Variants in NTMT1 observed in about 807,000 individuals in gnomAD.
The protein encoded by NTMT1 is N-terminal RCC1 methyltransferase.
Under a neutral mutation model 17.5 loss-of-function variants are expected in NTMT1, and 8 were observed. The observed-to-expected ratio is 0.46, with a 90% CI of 0.27 to 0.82. NTMT1 has a LOEUF of 0.82. Among genes scored for constraint, NTMT1 ranks in the 40% least tolerant of loss-of-function variants. NTMT1 has a pLI of 0.15. For synonymous variants in NTMT1, 128 were observed against 126.8 expected (o/e 1.01, Z -0.06); for missense variants, 221 against 303.5 (o/e 0.73, Z 2.02).
At chr9:129,630,348 C>T (rs1414934165) in intron 1 of NTMT1, among the ~76,000 whole-genome samples, 3 of 152,248 alleles carry the variant, frequency 2.0e-5, no homozygotes, top group Non-Finnish European at 4.4e-5. Flanking sequence ...CGGTATGTGC[C>T]TGCAGTCCCA....
chr9:129,631,166 C>T lies in NTMT1; in HGVS notation c.-54-1484C>T, dbSNP rs551447165. On this transcript the variant is annotated intron_variant, in intron 1 of 3. Coordinates refer to ENST00000372483, the MANE Select transcript of NTMT1 (RefSeq NM_014064.4). ...CCCAGCTCGGGCTGCCTCCTCCAGGCGGCTGCCCCTATCTGCTGTTGGGAG... is the reference window on the plus strand; with the variant it reads ...CCCAGCTCGGGCTGCCTCCTCCAGGTGGCTGCCCCTATCTGCTGTTGGGAG... Among the ~76,000 whole-genome samples, 30 of 152,368 alleles carry T rather than the reference C, an allele frequency of 2.0e-4. 1 individual carries two copies. The highest frequency in any genetic ancestry group is 6.2e-4 in the South Asian group (3 of 4,826).
Position 129,635,260 on chromosome 9 carries a change from C to T in NTMT1, c.468C>T (p.Ser156=), listed in dbSNP as rs746780349. Residue 156 remains serine, a synonymous_variant, in exon 4 of 4, where the codon AGC becomes AGT. Transcript: ENST00000372483. The part of the protein sequence containing the change: ...LAEFLRRCKG[S]LRPNGIIVIK... ...AGTTCCTGCGGCGCTGCAAGGGCAG[C>T]CTCCGCCCCAACGGCATCATCGTCA... The T allele has an allele frequency of 4.3e-6, 7 of 1,613,252 alleles. No individual in the cohort carries two copies. Among genetic ancestry groups the T allele is most frequent in the Non-Finnish European group, 5.9e-6 (7 of 1,180,024 alleles).
At chr9:129,623,823 C>CTTTTTTTTTTTTTTTT (rs746654555), upstream of NTMT1, among the ~76,000 whole-genome samples, 3 of 107,832 alleles carry the variant, frequency 2.8e-5, 1 homozygote, top group Non-Finnish European at 5.4e-5. Flanking sequence ...TTTTTCTTTT[C>CTTTTTTTTTTTTTTTT]TTTTCTTTTT....
chr9:129,629,838 G>A (rs1229849297), intron 1 of NTMT1, among the ~76,000 whole-genome samples: 2 of 152,182 alleles, frequency 1.3e-5, no homozygotes, highest in South Asian at 2.1e-4. Context: ...AGTGGCGTGC[G>A]CCTGTAATCT....
upstream of NTMT1, among the ~76,000 whole-genome samples, chr9:129,624,498 TC>T (rs1830835339): frequency 6.6e-6 from 1 of 152,190 alleles, no homozygotes; most frequent in South Asian, 2.1e-4. Flanking sequence ...CATACACACA[TC>T]CTGCGGACTC....
intron 1 of NTMT1, among the ~76,000 whole-genome samples, chr9:129,627,177 A>G (rs1487103209): frequency 1.3e-5 from 2 of 152,064 alleles, no homozygotes; most frequent in African/African-American, 4.8e-5. Context: ...GGAAGGATGC[A>G]TGGAGCGTTT....
At chr9:129,611,163 C>G (rs558501611) in intron 1 of NTMT1, among the ~76,000 whole-genome samples, 31 of 152,316 alleles carry the variant, frequency 2.0e-4, no homozygotes, top group Admixed American at 1.8e-3. Flanking sequence ...CCAGGCCAGT[C>G]CCACCGTTTG....
intron 3 of NTMT1, 43 bp downstream of exon 3, chr9:129,634,349 T>A: frequency 1.3e-6 from 2 of 1,550,076 alleles, no homozygotes; most frequent in Non-Finnish European, 8.7e-7. Context: ...GTATGTCTCC[T>A]GCCACTCGCG....
rs1052149975 is a variant in NTMT1 at position 129,635,549 on chromosome 9, G to A, written c.*85G>A. 6.7e-5 allele frequency: 99 copies of A among 1,475,672 alleles called. No homozygotes were observed. The highest frequency in any genetic ancestry group is 8.8e-5 in the Non-Finnish European group (96 of 1,091,098). The allele number at this position is 1,475,672 out of a possible 1,614,324, so 91.4% of individuals were successfully genotyped here. On this transcript the variant is annotated 3_prime_UTR_variant, in exon 4 of 4. Coordinates refer to ENST00000372483, the MANE Select transcript of NTMT1 (RefSeq NM_014064.4). ...GGCAAGATCCAGGCGCCACGCTGGC[G>A]GTTCGTGAGTGTCGAGGCACCACTA...
At position 129,615,634 on chromosome 9, in the gene NTMT1, C is replaced by G. The variant is rs542569501; in HGVS notation, c.-55+6456C>G. ...GCAGCCTTGAGCCTGGGGACCTGTG[C>G]ACCGTGGGGCCTGCTGAGAGAGGGG... On this transcript the variant is annotated intron_variant, in intron 1 of 3. Coordinates refer to the NTMT1 transcript ENST00000372486. The G allele has an allele frequency of 4.2e-5, 66 of 1,571,730 alleles. 1 individual carries two copies. The East Asian group carries it at 1.4e-3, about 34-fold the overall frequency.
chr9:129,629,392 C>CTTT (rs1273399609), intron 1 of NTMT1, among the ~76,000 whole-genome samples: 1 of 151,100 alleles, frequency 6.6e-6, no homozygotes, highest in Non-Finnish European at 1.5e-5. Flanking sequence ...AGAATTCATT[C>CTTT]TTCTTCTTCT....
chr9:129,627,602 C>T (rs1433416462), intron 1 of NTMT1, among the ~76,000 whole-genome samples: 1 of 152,182 alleles, frequency 6.6e-6, no homozygotes, highest in Non-Finnish European at 1.5e-5. Flanking sequence ...CTTGTCTGTG[C>T]TTACACAGCA....
At chr9:129,633,663 C>CA (rs10650201) in intron 2 of NTMT1, 136,622 of 148,786 alleles carry the variant, frequency 0.92, 62,867 homozygotes, top group Non-Finnish European at 0.96. Context: ...ACAAAAAATA[C>CA]AAAAAAAAAA....
Position 129,620,133 on chromosome 9 carries a change from G to A in NTMT1, c.-55+10955G>A, listed in dbSNP as rs1049161142. The A allele has an allele frequency of 2.7e-6, 4 of 1,458,372 alleles. No individual in the cohort carries two copies. The highest frequency in any genetic ancestry group is 5.6e-5 in the Admixed American group (2 of 35,690). 90.3% of individuals were successfully genotyped at this position (1,458,372 alleles called of 1,614,324 possible). A position where few individuals can be genotyped will look rare whatever the true frequency, so the allele number is the denominator to read the frequency against. ...TGCAGGAACTCACGGAACCTGCTGG[G>A]GAGGAGCTCTCCTAGGAAGGCGCCC... On this transcript the variant is annotated intron_variant, in intron 1 of 3. Transcript: ENST00000372486. This position sits in a 1 kb window ranked among gnomAD's most constrained non-coding sequence, Gnocchi z 5.8.
intron 1 of NTMT1, among the ~76,000 whole-genome samples, chr9:129,610,304 C>CCG (rs1263926779): frequency 2.0e-5 from 3 of 148,776 alleles, no homozygotes; most frequent in Non-Finnish European, 4.5e-5. Flanking sequence ...GGCCCCGCCC[C>CCG]CCCCCCACCG....
upstream of NTMT1, among the ~76,000 whole-genome samples, chr9:129,623,380 A>G (rs1343515500): frequency 6.6e-6 from 1 of 151,740 alleles, no homozygotes; most frequent in Admixed American, 6.6e-5. Context: ...AAAAGAAATT[A>G]ACAGACCCAC....
chr9:129,632,809 CA>C lies in NTMT1; in HGVS notation c.107del (p.His36ProfsTer18). ...TVDGMLGGYG[H>X]ISSIDINSSR... ...GGACGGCATGCTTGGGGGGTATGGC[CA>C]CATCTCCAGCATCGACATCAACAGC... On this transcript the variant is annotated frameshift_variant, in exon 2 of 4. Coordinates refer to ENST00000372483, the MANE Select transcript of NTMT1 (RefSeq NM_014064.4). LOFTEE classifies it high-confidence loss of function. 1 of 1,614,148 alleles carries C rather than the reference CA, an allele frequency of 6.2e-7. No homozygotes were observed. Among genetic ancestry groups the C allele is most frequent in the South Asian group, 1.1e-5 (1 of 91,082 alleles).
At chr9:129,610,825 A>C (rs1160730686) in intron 1 of NTMT1, among the ~76,000 whole-genome samples, 8 of 151,936 alleles carry the variant, frequency 5.3e-5, no homozygotes, top group Non-Finnish European at 1.0e-4. Context: ...CACCTGGAGG[A>C]GGGGCCGTAG....
chr9:129,624,686 A>G (rs2118910034), upstream of NTMT1, among the ~76,000 whole-genome samples: 1 of 152,282 alleles, frequency 6.6e-6, no homozygotes, highest in African/African-American at 2.4e-5. Context: ...CTGGAAAGCA[A>G]TGGCGCGATC....
Sources: allele counts gnomAD v4.1 joint callset (sites outside exome capture counted in the v4.1 genomes callset), GRCh38; gene constraint gnomAD v4.1.1; non-coding constraint Gnocchi (gnomAD v3.1); transcripts MANE v1.5; gene names NCBI Gene and HGNC (gene_info 2026-07-23, HGNC 2026-07-21).